The following MAP7 variants were observed in gnomAD, a reference collection of about 807,000 sequenced individuals.
The protein encoded by MAP7 is ensconsin.
Under a neutral mutation model 94.8 loss-of-function variants are expected in MAP7, and 52 were observed. The observed-to-expected ratio is 0.55, with a 90% CI of 0.44 to 0.69. MAP7 has a LOEUF of 0.69. MAP7 is among the 30% of genes least tolerant of loss of function. MAP7 has a pLI of 0.00. For missense variants in MAP7, 940 were observed against 964.6 expected, an observed-to-expected ratio of 0.97 and a Z score of 0.34; for synonymous variants, 350 against 357.0, an observed-to-expected ratio of 0.98 and a Z score of 0.22.
At position 136,420,413 on chromosome 6, in the gene MAP7, C is replaced by T; in HGVS notation, c.166+1288G>A. 3 of 520,184 alleles carry T rather than the reference C, an allele frequency of 5.8e-6. 1 individual carries two copies. Among genetic ancestry groups the T allele is most frequent in the South Asian group, 2.5e-5 (1 of 39,724 alleles). 32.2% of individuals were successfully genotyped at this position (520,184 alleles called of 1,614,324 possible). ...GGCCAGGGGAACTCAGCTACCAGGT[C>T]CACTTCTGCCAACAAATGTGATTTT... On this transcript the variant is annotated intron_variant, in intron 2 of 17. Transcript: ENST00000354570.
rs1167209919 is a variant in MAP7, at chr6:136,527,804, G to A, written c.67+22538C>T. ...ACTCTTATTGTCCAGCATGGTGCTG[G>A]GGGATGTACTAAATTGTGAGCAAAC... On this transcript the variant is annotated intron_variant, in intron 1 of 17. Coordinates refer to ENST00000354570, the MANE Select transcript of MAP7 (RefSeq NM_003980.6). Among the ~76,000 whole-genome samples the A allele has an allele frequency of 3.9e-5, 6 of 152,034 alleles. No individual in the cohort carries two copies. The East Asian group carries it at 9.6e-4, about 24-fold the overall frequency.
At chr6:136,485,797 C>T (rs1207275019) in intron 1 of MAP7, among the ~76,000 whole-genome samples, 1 of 151,896 alleles carries the variant, frequency 6.6e-6, no homozygotes, top group Non-Finnish European at 1.5e-5. Flanking sequence ...CTCCTGACCT[C>T]GTGATCCGCC....
chr6:136,445,824 A>T (rs1251764256), intron 1 of MAP7, among the ~76,000 whole-genome samples: 18 of 152,226 alleles, frequency 1.2e-4, no homozygotes, highest in Non-Finnish European at 2.9e-5. Context: ...CTGCGTAATG[A>T]ATAACATTGT....
chr6:136,478,631 T>C lies in MAP7; in HGVS notation c.68-56832A>G, dbSNP rs571646122. Among the ~76,000 whole-genome samples the C allele has an allele frequency of 9.2e-5, 14 of 152,068 alleles. No homozygotes were observed. In the East Asian group the frequency reaches 2.1e-3, roughly 23 times the overall value. On this transcript the variant is annotated intron_variant, in intron 1 of 17. Transcript: ENST00000354570. Reference sequence around the variant, plus strand: ...GAAAAAGGAGGCATTACAACCAATATTGCAGAAATTCAAAGGATCATTAGA... The same window carrying C: ...GAAAAAGGAGGCATTACAACCAATACTGCAGAAATTCAAAGGATCATTAGA...
rs1177701861 is a variant in MAP7, at chr6:136,446,226, GTCATCAGAGGTGGATAGGGCACAGA to G, written c.68-24452_68-24428del. Among the ~76,000 whole-genome samples, 8 of 151,732 alleles carry G rather than the reference GTCATCAGAGGTGGATAGGGCACAGA, an allele frequency of 5.3e-5. No individual in the cohort carries two copies. The East Asian group carries it at 1.4e-3, about 26-fold the overall frequency. ...ACAGGGCACAGCATGGGAGAAGATT[GTCATCAGAGGTGGATAGGGCACAGA>G]TCATCAGAGGTGGATAGGGCGCAGC... is the stretch of plus-strand genomic sequence containing the variant. On this transcript the variant is annotated intron_variant, in intron 1 of 17. Coordinates refer to ENST00000354570, the MANE Select transcript of MAP7 (RefSeq NM_003980.6).
chr6:136,505,843 A>C (rs1357920543), intron 1 of MAP7, among the ~76,000 whole-genome samples: 1 of 152,178 alleles, frequency 6.6e-6, no homozygotes, highest in African/African-American at 2.4e-5. Flanking sequence ...AAAATAAGGA[A>C]TTTTAAATGT....
At chr6:136,445,890 C>T (rs1388836653) in intron 1 of MAP7, among the ~76,000 whole-genome samples, 1 of 152,218 alleles carries the variant, frequency 6.6e-6, no homozygotes, top group Admixed American at 6.5e-5. Flanking sequence ...TGTCCTCTCA[C>T]AACACAATCA....
chr6:136,538,028 G>A (rs1223559785), intron 1 of MAP7, among the ~76,000 whole-genome samples: 3 of 152,048 alleles, frequency 2.0e-5, no homozygotes, highest in Non-Finnish European at 2.9e-5. Context: ...GTGATCAGCC[G>A]GCCTCGGCCT....
At chr6:136,427,081 T>C (rs1272630031) in intron 1 of MAP7, among the ~76,000 whole-genome samples, 2 of 152,206 alleles carry the variant, frequency 1.3e-5, no homozygotes, top group Non-Finnish European at 2.9e-5. Context: ...GACCATTACG[T>C]GGTAAAAAGT....
intron 1 of MAP7, among the ~76,000 whole-genome samples, chr6:136,425,857 C>A (rs530141686): frequency 6.6e-6 from 1 of 152,248 alleles, no homozygotes; most frequent in Admixed American, 6.5e-5. Flanking sequence ...TTTCATTTCC[C>A]ACACTACCTC....
At chr6:136,398,520 G>A (rs1349925562) in intron 3 of MAP7, among the ~76,000 whole-genome samples, 1 of 152,180 alleles carries the variant, frequency 6.6e-6, no homozygotes, top group African/African-American at 2.4e-5. Context: ...CCCACATGTT[G>A]TGGGAGGGAC....
At chr6:136,476,453 C>T (rs1391331951) in intron 1 of MAP7, among the ~76,000 whole-genome samples, 1 of 152,152 alleles carries the variant, frequency 6.6e-6, no homozygotes. Context: ...TTTTAAGGTG[C>T]TTTCTCTGAA....
chr6:136,356,853 C>T (rs539121253), intron 15 of MAP7, 59 bp from the exon 16 acceptor site: 2 of 1,339,956 alleles, frequency 1.5e-6, no homozygotes, highest in Admixed American at 3.6e-5. Flanking sequence ...TTAGACCTAA[C>T]CTCCAAGAGC....
At chr6:136,439,483 C>T (rs548826867) in intron 1 of MAP7, among the ~76,000 whole-genome samples, 3 of 152,266 alleles carry the variant, frequency 2.0e-5, no homozygotes, top group Non-Finnish European at 2.9e-5. Flanking sequence ...TTATTAGCAG[C>T]ATAAACGGTC....
At chr6:136,401,799 C>A (rs1326790002) in intron 3 of MAP7, among the ~76,000 whole-genome samples, 1 of 151,658 alleles carries the variant, frequency 6.6e-6, no homozygotes, top group Non-Finnish European at 1.5e-5. Context: ...AAAAAAGAAA[C>A]CCTGTCTCTA....
At chr6:136,532,221 C>A (rs968688444) in intron 1 of MAP7, among the ~76,000 whole-genome samples, 2 of 152,174 alleles carry the variant, frequency 1.3e-5, no homozygotes, top group Non-Finnish European at 2.9e-5. Context: ...AATCGGCAGA[C>A]ACCAGCGTGC....
intron 1 of MAP7, among the ~76,000 whole-genome samples, chr6:136,511,091 C>T (rs1265807560): frequency 6.6e-6 from 1 of 152,034 alleles, no homozygotes; most frequent in African/African-American, 2.4e-5. Flanking sequence ...AAACTTATGG[C>T]AGTGGAGTGA....
chr6:136,505,277 G>GTGTGTATATATATATATA (rs1465266004), intron 1 of MAP7, among the ~76,000 whole-genome samples: 11 of 53,830 alleles, frequency 2.0e-4, no homozygotes, highest in South Asian at 8.3e-4. Flanking sequence ...GTGTGTGTGT[G>GTGTGTATATATATATATA]TATATATATA....
rs187432213 is a variant in MAP7, at chr6:136,445,080, C to T, written c.68-23281G>A. Among the ~76,000 whole-genome samples the T allele has an allele frequency of 2.8e-3, 427 of 152,200 alleles. 3 individuals carry two copies. Among genetic ancestry groups the T allele is most frequent in the African/African-American group, 9.8e-3 (406 of 41,506 alleles). On this transcript the variant is annotated intron_variant, in intron 1 of 17. Coordinates refer to ENST00000354570, the MANE Select transcript of MAP7 (RefSeq NM_003980.6). ...GTGATTCCACTACTGACAATGAAGGCGTTAAGGACGATCCACCCCACATTA... is the reference window on the plus strand; with the variant it reads ...GTGATTCCACTACTGACAATGAAGGTGTTAAGGACGATCCACCCCACATTA...
Sources: gnomAD v4.1 joint callset for allele counts (sites outside exome capture counted in the v4.1 genomes callset) on GRCh38, gnomAD v4.1.1 for gene constraint, MANE v1.5 for transcripts, NCBI Gene and HGNC (gene_info 2026-07-23, HGNC 2026-07-21) for gene names.